The following UBAP2 variants were observed in gnomAD, a reference collection of about 807,000 sequenced individuals.
UBAP2 encodes the protein ubiquitin associated protein 2, also known as ubiquitin-associated protein 2.
Under a neutral mutation model 139.6 loss-of-function variants are expected in UBAP2, and 75 were observed. The observed-to-expected ratio is 0.54, with a 90% confidence interval of 0.45 to 0.65. UBAP2 has a LOEUF of 0.65. UBAP2 is among the 30% of genes least tolerant of loss of function. The probability of loss-of-function intolerance (pLI) is 0.00; values close to 1 mark genes in which losing one functional copy is unlikely to be tolerated. For synonymous variants in UBAP2, 526 were observed against 526.2 expected (o/e 1.00, Z 0.01); for missense variants, 1,368 against 1,369.6 (o/e 1.00, Z 0.02).
chr9:34,019,672 G>A (rs889870277), intron 1 of UBAP2, among the ~76,000 whole-genome samples: 5 of 140,188 alleles, frequency 3.6e-5, no homozygotes, highest in Admixed American at 7.7e-5. Flanking sequence ...TAAACTTTAT[G>A]TTATGTACAT....
intron 2 of UBAP2, among the ~76,000 whole-genome samples, chr9:34,013,661 G>A (rs1258147411): frequency 6.6e-6 from 1 of 151,964 alleles, no homozygotes; most frequent in East Asian, 1.9e-4. Context: ...CGGATCACCT[G>A]AGGTCAGAAG....
intron 2 of UBAP2, among the ~76,000 whole-genome samples, chr9:34,010,822 A>T (rs1345631236): frequency 6.6e-6 from 1 of 152,186 alleles, no homozygotes; most frequent in Non-Finnish European, 1.5e-5. Context: ...CTGCACAGTA[A>T]GTATTATTAT....
intron 2 of UBAP2, among the ~76,000 whole-genome samples, chr9:34,012,306 G>A (rs367981723): frequency 1.3e-4 from 20 of 152,202 alleles, no homozygotes; most frequent in South Asian, 6.2e-4. Flanking sequence ...CAAGGCAGGC[G>A]GATCACCTAA....
chr9:33,963,609 G>C, intron 9 of UBAP2, 117 bp downstream of exon 9: 1 of 617,366 alleles, frequency 1.6e-6, no homozygotes, highest in Non-Finnish European at 2.8e-6. Context: ...AATAGGTATA[G>C]TTTACAAACA....
At chr9:33,925,912 A>T (rs1564014494) in intron 22 of UBAP2, among the ~76,000 whole-genome samples, 1 of 152,218 alleles carries the variant, frequency 6.6e-6, no homozygotes, top group East Asian at 1.9e-4. Context: ...AGTGGCTCCC[A>T]GGAGGAAGTC....
At chr9:33,923,679 C>A in intron 24 of UBAP2, 116 bp downstream of exon 24, 1 of 1,192,680 alleles carries the variant, frequency 8.4e-7, no homozygotes, top group Non-Finnish European at 1.2e-6. Flanking sequence ...TTCTGAAGAC[C>A]AGGTAAGACG....
In UBAP2 at chr9:33,927,015, G is replaced by T. The variant is rs774744907; in HGVS notation, c.2437C>A (p.Pro813Thr). Reference protein sequence around the residue: ...PLLHNQYLVGPGGLLPAYPIY... With the variant: ...PLLHNQYLVGTGGLLPAYPIY... ...GGGTAGGCAGGAAGCAGTCCTCCGG[G>T]ACCTACGAGGTACTGGTTGTGCAGC... is the stretch of plus-strand genomic sequence containing the variant. The change falls in exon 21 of 29, where the codon CCC (proline) becomes ACC (threonine). Residue 813 changes from proline (P) to threonine (T), a missense_variant. Transcript: ENST00000379238. The T allele has an allele frequency of 6.2e-7, 1 of 1,614,016 alleles. No individual in the cohort carries two copies. The highest frequency in any genetic ancestry group is 8.5e-7 in the Non-Finnish European group (1 of 1,180,022).
rs66460243 is a variant in UBAP2 at position 33,921,845 on chromosome 9, AT to A, written c.*658del. The A allele has an allele frequency of 0.15, 21,646 of 146,516 alleles. 1,643 individuals are homozygous for A. Among genetic ancestry groups the A allele is most frequent in the African/African-American group, 0.19 (7,793 of 40,042 alleles). 9.1% of individuals were successfully genotyped at this position (146,516 alleles called of 1,614,324 possible). Reference sequence around the variant, plus strand: ...GCTGACTGGCTGAATAACTCAGATTATTTTTTTTTTTTTCATGGTCAGCCAG... The same window carrying A: ...GCTGACTGGCTGAATAACTCAGATTATTTTTTTTTTTTCATGGTCAGCCAG... On this transcript the variant is annotated 3_prime_UTR_variant, in exon 29 of 29. Transcript: ENST00000379238.
chr9:34,015,963 C>T (rs1307090272), intron 2 of UBAP2, among the ~76,000 whole-genome samples: 1 of 152,124 alleles, frequency 6.6e-6, no homozygotes, highest in Non-Finnish European at 1.5e-5. Context: ...GCCACTATGC[C>T]CAGCAAAGGC....
At chr9:33,937,416 A>T (rs1824650802) in intron 16 of UBAP2, among the ~76,000 whole-genome samples, 2 of 151,794 alleles carry the variant, frequency 1.3e-5, no homozygotes, top group South Asian at 4.2e-4. Flanking sequence ...AGACCAGCCT[A>T]GCCAACATAG....
At chr9:33,953,035 A>C (rs1022833387) in intron 12 of UBAP2, among the ~76,000 whole-genome samples, 8 of 151,876 alleles carry the variant, frequency 5.3e-5, no homozygotes, top group African/African-American at 1.9e-4. Context: ...ACACTCAGCT[A>C]ATTTTTGTTA....
chr9:34,036,359 T>C lies in UBAP2; in HGVS notation c.-42+12466A>G, dbSNP rs543091330. ...CTCAAACTCCCGACCTCAGGTGATCTGCCCGTCTCGGCCTCCCAAAGTGCT... is the reference window on the plus strand; with the variant it reads ...CTCAAACTCCCGACCTCAGGTGATCCGCCCGTCTCGGCCTCCCAAAGTGCT... On this transcript the variant is annotated intron_variant, in intron 1 of 28. Transcript: ENST00000379238. Among the ~76,000 whole-genome samples, 186 of 152,214 alleles carry C rather than the reference T, an allele frequency of 1.2e-3. 1 individual carries two copies. Among genetic ancestry groups the C allele is most frequent in the African/African-American group, 4.2e-3 (176 of 41,534 alleles).
At chr9:34,000,482 A>G (rs540873405) in intron 2 of UBAP2, among the ~76,000 whole-genome samples, 1 of 152,324 alleles carries the variant, frequency 6.6e-6, no homozygotes, top group South Asian at 2.1e-4. Flanking sequence ...CAACAGGGAA[A>G]TTAGGTGAGG....
chr9:33,953,178 ATATTTT>A (rs1826249005), intron 12 of UBAP2, 101 bp downstream of exon 12: 6 of 1,132,780 alleles, frequency 5.3e-6, no homozygotes, highest in Admixed American at 2.9e-5. Context: ...CTTACTGTAG[ATATTTT>A]TATATTTAGA....
Position 33,948,597 on chromosome 9 carries a change from G to C in UBAP2, c.1057-10C>G, listed in dbSNP as rs1444970108. 6.2e-7 allele frequency: 1 copy of C among 1,612,358 alleles called. No homozygotes were observed. The highest frequency in any genetic ancestry group is 1.7e-5 in the Admixed American group (1 of 59,884). The stretch of plus-strand genomic sequence containing the variant: ...AGCCAAGGACGGATGACTTTAAAAG[G>C]GGGATAAAAGAACAAATCCTCAACA... On this transcript the variant is annotated splice_polypyrimidine_tract_variant and intron_variant, in intron 12 of 28. Transcript: ENST00000379238.
chr9:34,001,855 T>G (rs1470042816), intron 2 of UBAP2, among the ~76,000 whole-genome samples: 1 of 152,052 alleles, frequency 6.6e-6, no homozygotes, highest in Non-Finnish European at 1.5e-5. Flanking sequence ...ATCATTACAG[T>G]TTCTTAAATT....
intron 6 of UBAP2, among the ~76,000 whole-genome samples, chr9:33,976,158 C>A (rs138773817): frequency 6.6e-6 from 1 of 151,932 alleles, no homozygotes; most frequent in South Asian, 2.1e-4. Context: ...CTAATTAGCT[C>A]TAAGAAGAAA....
chr9:33,926,870 C>T (rs1190080557), intron 21 of UBAP2, 119 bp downstream of exon 21: 1 of 1,081,020 alleles, frequency 9.3e-7, no homozygotes, highest in Non-Finnish European at 1.4e-6. Context: ...GACGGGGGTG[C>T]TCAGGGATGG....
At position 33,948,497 on chromosome 9, in the gene UBAP2, G is replaced by T; in HGVS notation, c.1147C>A (p.Pro383Thr). 1 of 1,614,130 alleles carries T rather than the reference G, an allele frequency of 6.2e-7. No homozygotes were observed. Residue 383 changes from proline (P) to threonine (T), a missense_variant, in exon 13 of 29, where the codon CCG becomes ACG. Pro to Thr is a conservative substitution (Grantham distance 38). Coordinates refer to ENST00000379238, the MANE Select transcript of UBAP2 (RefSeq NM_001370062.2). ...SSQILDQLKA[P>T]SLGQFTTTPS... ...GTGGTGGTAAACTGGCCCAAACTCG[G>T]AGCTTTCAACTGGTCCAAAATCTGG...
Sources: gnomAD v4.1 joint callset for allele counts (sites outside exome capture counted in the v4.1 genomes callset) on GRCh38, gnomAD v4.1.1 for gene constraint, MANE v1.5 for transcripts, NCBI Gene and HGNC (gene_info 2026-07-23, HGNC 2026-07-21) for gene names.